PHACTR2: variants seen among roughly 807,000 people sequenced by gnomAD.
PHACTR2 encodes chromosome 6 open reading frame 56.
A neutral mutation model predicts 76.0 loss-of-function variants in PHACTR2; 30 were observed. The observed-to-expected ratio is 0.39, with a 90% confidence interval of 0.30 to 0.54. The LOEUF (loss-of-function observed/expected upper bound fraction) is 0.54, where lower values mean the gene tolerates loss of function less well. Among genes scored for constraint, PHACTR2 ranks in the 20% least tolerant of loss-of-function variants. The probability of loss-of-function intolerance (pLI) is 0.61; values close to 1 mark genes in which losing one functional copy is unlikely to be tolerated. For synonymous variants in PHACTR2, 292 were observed against 292.5 expected (o/e 1.00, Z 0.02); for missense variants, 696 against 781.1 (o/e 0.89, Z 1.30).
At chr6:143,786,975 A>G (rs1775571146) in intron 10 of PHACTR2, among the ~76,000 whole-genome samples, 1 of 152,192 alleles carries the variant, frequency 6.6e-6, no homozygotes, top group South Asian at 2.1e-4. Context: ...TATTGACTCA[A>G]TTTCTAGGGA....
intron 2 of PHACTR2, among the ~76,000 whole-genome samples, chr6:143,741,828 G>T (rs180788257): frequency 6.6e-6 from 1 of 152,072 alleles, no homozygotes; most frequent in African/African-American, 2.4e-5. Context: ...GAGGCTGGGC[G>T]CAGTGGCTCA....
chr6:143,647,597 A>G lies in PHACTR2; in HGVS notation c.13+39275A>G, dbSNP rs140075946. On this transcript the variant is annotated intron_variant, in intron 1 of 11. Coordinates refer to the PHACTR2 transcript ENST00000305766. The surrounding 1 kb of genome is among the most constrained non-coding windows in gnomAD (Gnocchi z 4.2). ...GGGGGCGGGAAAGAAGAGAAAATAG[A>G]GAGACAGAGAATCATGGGGTTTTGA... is the stretch of plus-strand genomic sequence containing the variant. Among the ~76,000 whole-genome samples the G allele has an allele frequency of 4.3e-4, 66 of 152,336 alleles. No individual in the cohort carries two copies. Among genetic ancestry groups the G allele is most frequent in the Non-Finnish European group, 8.2e-4 (56 of 68,032 alleles).
chr6:143,810,142 T>C (rs1345797517), intron 12 of PHACTR2, among the ~76,000 whole-genome samples: 1 of 152,126 alleles, frequency 6.6e-6, no homozygotes, highest in African/African-American at 2.4e-5. Context: ...TTTGTGTATA[T>C]ATATATTTCA....
intron 5 of PHACTR2, among the ~76,000 whole-genome samples, chr6:143,763,349 ACTCTGT>A (rs1779481951): frequency 6.6e-6 from 1 of 151,890 alleles, no homozygotes; most frequent in Non-Finnish European, 1.5e-5. Flanking sequence ...ACAGAGGGAG[ACTCTGT>A]CTCAAAAAAA....
chr6:143,663,659 A>C lies in PHACTR2; in HGVS notation c.14-48357A>C, dbSNP rs559172702. 6.6e-6 allele frequency among the ~76,000 whole-genome samples: 1 copy of C among 152,264 alleles called. No individual in the cohort carries two copies. Among genetic ancestry groups the C allele is most frequent in the Non-Finnish European group, 1.5e-5 (1 of 68,014 alleles). ...TGTTTAGTTCTAAATATTTTATGCT[A>C]CAATTGGATTTTCTTGTGTTACTTA... is the stretch of plus-strand genomic sequence containing the variant. On this transcript the variant is annotated intron_variant, in intron 1 of 11. Coordinates refer to the PHACTR2 transcript ENST00000305766. This position sits in a 1 kb window ranked among gnomAD's most constrained non-coding sequence, Gnocchi z 4.1.
intron 2 of PHACTR2, among the ~76,000 whole-genome samples, chr6:143,737,771 G>T (rs908582255): frequency 2.0e-5 from 3 of 152,190 alleles, no homozygotes; most frequent in Non-Finnish European, 1.5e-5. Flanking sequence ...TCACTGCAGG[G>T]TTGGGCAGGA....
chr6:143,702,990 AT>A (rs1777950880), intron 1 of PHACTR2, among the ~76,000 whole-genome samples: 1 of 151,514 alleles, frequency 6.6e-6, no homozygotes, highest in East Asian at 1.9e-4. Flanking sequence ...ATATTGTGTA[AT>A]TCCACTAAGT....
intron 1 of PHACTR2, among the ~76,000 whole-genome samples, chr6:143,692,667 C>A (rs944689276): frequency 2.0e-5 from 3 of 152,144 alleles, no homozygotes; most frequent in African/African-American, 7.2e-5. Flanking sequence ...ATTTAGGAAG[C>A]CATTATAAAG....
Position 143,562,605 on chromosome 6 carries a change from G to A in PHACTR2, c.217+25398G>A, listed in dbSNP as rs1775296649. On this transcript the variant is annotated intron_variant, in intron 1 of 11. Coordinates refer to the PHACTR2 transcript ENST00000367584. The surrounding 1 kb of genome is among the most constrained non-coding windows in gnomAD (Gnocchi z 5.1). ...ACTATATCACTTGACTGCCTCTCCAGTGTGACTCTGAGTTTCAAGGGTAAT... is the reference window on the plus strand; with the variant it reads ...ACTATATCACTTGACTGCCTCTCCAATGTGACTCTGAGTTTCAAGGGTAAT... Among the ~76,000 whole-genome samples, 1 of 152,084 alleles carries A rather than the reference G, an allele frequency of 6.6e-6. No individual in the cohort carries two copies. Among genetic ancestry groups the A allele is most frequent in the African/African-American group, 2.4e-5 (1 of 41,392 alleles).
intron 1 of PHACTR2, among the ~76,000 whole-genome samples, chr6:143,657,109 G>A (rs1211758099): frequency 6.6e-6 from 1 of 152,042 alleles, no homozygotes; most frequent in African/African-American, 2.4e-5. Flanking sequence ...GGGAGGGAGA[G>A]CATTAAGACA....
rs1286809955 is a variant in PHACTR2 at position 143,662,322 on chromosome 6, CT to C, written c.14-49693del. Among the ~76,000 whole-genome samples, 3 of 151,982 alleles carry C rather than the reference CT, an allele frequency of 2.0e-5. No homozygotes were observed. Among genetic ancestry groups the C allele is most frequent in the Admixed American group, 1.3e-4 (2 of 15,240 alleles). On this transcript the variant is annotated intron_variant, in intron 1 of 11. Transcript: ENST00000305766. The surrounding 1 kb of genome is among the most constrained non-coding windows in gnomAD (Gnocchi z 4.7). ...AAATAACTTTATAGCTTTTTTTCCC[CT>C]ATTTTAAAATACAAGGAACATAAAA...
At chr6:143,606,486 A>T (rs571199409), upstream of PHACTR2, among the ~76,000 whole-genome samples, 11 of 152,326 alleles carry the variant, frequency 7.2e-5, no homozygotes, top group South Asian at 2.3e-3. Context: ...ACTGAGAGTC[A>T]GATTTTGAAC....
intron 1 of PHACTR2, among the ~76,000 whole-genome samples, chr6:143,693,872 C>G: frequency 6.6e-6 from 1 of 152,102 alleles, no homozygotes; most frequent in East Asian, 1.9e-4. Context: ...TGTTCATGAC[C>G]AGCCTGGGCA....
chr6:143,599,830 C>A lies in PHACTR2; in HGVS notation c.217+62623C>A, dbSNP rs1270259902. 1.3e-5 allele frequency among the ~76,000 whole-genome samples: 2 copies of A among 152,140 alleles called. No individual in the cohort carries two copies. The highest frequency in any genetic ancestry group is 2.9e-5 in the Non-Finnish European group (2 of 68,034). On this transcript the variant is annotated intron_variant, in intron 1 of 11. Transcript: ENST00000367584. This position sits in a 1 kb window ranked among gnomAD's most constrained non-coding sequence, Gnocchi z 4.6. ...CAGCAGGCCATTCTGCTGACTTGGG[C>A]CCAAATGCTTTCAGGAGCCAGGCAG...
chr6:143,590,034 CTG>C (rs1775672405), intron 1 of PHACTR2, among the ~76,000 whole-genome samples: 1 of 152,276 alleles, frequency 6.6e-6, no homozygotes, highest in East Asian at 1.9e-4. Flanking sequence ...CACGAAAACT[CTG>C]TGCTCAGCAA....
In PHACTR2 at chr6:143,712,274, G is replaced by GA. The variant is rs1778195000; in HGVS notation, c.214+98dup. 1.5e-5 allele frequency: 12 copies of GA among 798,128 alleles called. 1 individual carries two copies. In the South Asian group the frequency reaches 4.6e-4, roughly 31 times the overall value. 49.4% of individuals were successfully genotyped at this position (798,128 alleles called of 1,614,324 possible). A position where few individuals can be genotyped will look rare whatever the true frequency, so the allele number is the denominator to read the frequency against. On this transcript the variant is annotated intron_variant, in intron 2 of 12. Transcript: ENST00000440869. ...ATGTTTTACAGTGTGTTTTTTCCCAGAAAAAAATTAATCCGTATTTGAAAT... is the reference window on the plus strand; with the variant it reads ...ATGTTTTACAGTGTGTTTTTTCCCAGAAAAAAAATTAATCCGTATTTGAAAT...
rs1779553005 is a variant in PHACTR2, at chr6:143,765,865, A to T, written c.1232+67A>T. The T allele has an allele frequency of 4.4e-6, 6 of 1,351,544 alleles. No individual in the cohort carries two copies. The Admixed American group carries it at 1.2e-4, about 28-fold the overall frequency. The allele number at this position is 1,351,544 out of a possible 1,614,324, so 83.7% of individuals were successfully genotyped here. A position where few individuals can be genotyped will look rare whatever the true frequency, so the allele number is the denominator to read the frequency against. ...AGATCACTAATATATTCTGTTGGAA[A>T]TGAAGCACCGGGTTTGCTTTCTTAT... On this transcript the variant is annotated intron_variant, in intron 6 of 12. Transcript: ENST00000440869. The surrounding 1 kb of genome is among the most constrained non-coding windows in gnomAD (Gnocchi z 4.1).
At position 143,822,975 on chromosome 6, in the gene PHACTR2, A is replaced by C. The variant is rs1283973689; in HGVS notation, c.1923-699A>C. Among the ~76,000 whole-genome samples, 1 of 152,258 alleles carries C rather than the reference A, an allele frequency of 6.6e-6. No homozygotes were observed. The highest frequency in any genetic ancestry group is 2.4e-5 in the African/African-American group (1 of 41,470). ...CAAAAGATGGAACTTTAATGATTCC[A>C]AGACAGGCAGTTGAGGCAGGACTTG... On this transcript the variant is annotated intron_variant, in intron 12 of 12. Coordinates refer to ENST00000440869, the MANE Select transcript of PHACTR2 (RefSeq NM_001100164.2). This position sits in a 1 kb window ranked among gnomAD's most constrained non-coding sequence, Gnocchi z 5.5.
chr6:143,704,105 G>T (rs1055417071), intron 1 of PHACTR2, among the ~76,000 whole-genome samples: 1 of 151,592 alleles, frequency 6.6e-6, no homozygotes, highest in Non-Finnish European at 1.5e-5. Context: ...CTGTGTGTGT[G>T]TGTGTGTGTG....
Sources: allele counts gnomAD v4.1 joint callset (sites outside exome capture counted in the v4.1 genomes callset), GRCh38; gene constraint gnomAD v4.1.1; non-coding constraint Gnocchi (gnomAD v3.1); transcripts MANE v1.5; gene names NCBI Gene and HGNC (gene_info 2026-07-23, HGNC 2026-07-21).